Variants in GTF3C2 observed in about 807,000 individuals in gnomAD.
The protein encoded by GTF3C2 is general transcription factor IIIC subunit 2.
A neutral mutation model predicts 117.4 loss-of-function variants in GTF3C2; 17 were observed. The ratio of observed to expected loss-of-function variants is 0.14; its 90% confidence interval spans 0.10 to 0.22. The LOEUF is 0.22. Among genes scored for constraint, GTF3C2 ranks in the 10% least tolerant of loss-of-function variants. The probability of loss-of-function intolerance (pLI) is 1.00; values close to 1 mark genes in which losing one functional copy is unlikely to be tolerated. For synonymous variants in GTF3C2, 437 were observed against 427.0 expected (o/e 1.02, Z -0.29); for missense variants, 888 against 1,143.6 (o/e 0.78, Z 3.22).
At chr2:27,326,915 A>G (rs1680093776) in intron 18 of GTF3C2, 22 bp from the exon 19 acceptor site, 1 of 1,493,366 alleles carries the variant, frequency 6.7e-7, no homozygotes, top group African/African-American at 1.4e-5. Context: ...ACAGAAAACA[A>G]GAGAGAGATG....
At chr2:27,349,078 C>T (rs1004718981) in intron 1 of GTF3C2, among the ~76,000 whole-genome samples, 11 of 150,654 alleles carry the variant, frequency 7.3e-5, no homozygotes, top group African/African-American at 2.7e-4. Context: ...CTCAAGTGAT[C>T]TGCCTGCCTT....
intron 9 of GTF3C2, 95 bp downstream of exon 9, chr2:27,335,822 A>C: frequency 9.4e-7 from 1 of 1,069,356 alleles, no homozygotes; most frequent in East Asian, 2.6e-5. Context: ...CATCCACTAC[A>C]CTCCAACCTT....
intron 10 of GTF3C2, among the ~76,000 whole-genome samples, chr2:27,334,812 T>G (rs1680402177): frequency 1.3e-5 from 2 of 152,156 alleles, no homozygotes; most frequent in African/African-American, 4.8e-5. Context: ...TCGGCTACTT[T>G]TAAAAATTTT....
rs367978523 is a variant in GTF3C2, at chr2:27,349,986, G to T, written c.-24-6408C>A. ...GAATAAAACTTCAAATCATATAAAA[G>T]ATATAAATGTCAGGAACATTTAAAC... is the stretch of plus-strand genomic sequence containing the variant. On this transcript the variant is annotated intron_variant, in intron 1 of 18. Transcript: ENST00000264720. Among the ~76,000 whole-genome samples, 5 of 152,164 alleles carry T rather than the reference G, an allele frequency of 3.3e-5. No homozygotes were observed. In the East Asian group the frequency reaches 7.7e-4, roughly 24 times the overall value.
intron 1 of GTF3C2, among the ~76,000 whole-genome samples, chr2:27,344,570 C>G (rs1418380811): frequency 1.3e-5 from 2 of 152,112 alleles, no homozygotes; most frequent in Non-Finnish European, 2.9e-5. Flanking sequence ...CACCAACTTC[C>G]TCAAAATATA....
intron 1 of GTF3C2, among the ~76,000 whole-genome samples, chr2:27,353,915 G>A (rs1038040685): frequency 6.6e-6 from 1 of 151,768 alleles, no homozygotes; most frequent in Non-Finnish European, 1.5e-5. Context: ...TAGAGACAGG[G>A]TCTCAACTAT....
At chr2:27,333,665 T>A (rs1680356541) in exon 12 of GTF3C2, 1 of 1,609,042 alleles carries the variant, frequency 6.2e-7, no homozygotes, top group African/African-American at 1.3e-5. Flanking sequence ...CATTATAATA[T>A]CCAGCAGCTA....
chr2:27,326,449 A>G, exon 19 of GTF3C2: 1 of 589,128 alleles, frequency 1.7e-6, no homozygotes, highest in Non-Finnish European at 3.1e-6. Flanking sequence ...TCTTAGGCTG[A>G]GGAGCCTTGA....
chr2:27,355,067 G>C lies in GTF3C2; in HGVS notation c.-25+1672C>G, dbSNP rs138271496. Among the ~76,000 whole-genome samples the C allele has an allele frequency of 3.9e-5, 6 of 152,232 alleles. No individual in the cohort carries two copies. In the East Asian group the frequency reaches 1.2e-3, roughly 29 times the overall value. ...AAATTAAAACTATTTATGTATATTA[G>C]TACCCATTTTATCATACCGTTACTG... On this transcript the variant is annotated intron_variant, in intron 1 of 18. Transcript: ENST00000264720.
At chr2:27,356,236 C>A in intron 1 of GTF3C2, 1 of 518,752 alleles carries the variant, frequency 1.9e-6, no homozygotes, top group Admixed American at 2.4e-5. Flanking sequence ...GGCGTTGCAG[C>A]GCGCGGGGCA....
At chr2:27,355,847 T>C (rs1050102537) in intron 1 of GTF3C2, among the ~76,000 whole-genome samples, 8 of 152,214 alleles carry the variant, frequency 5.3e-5, no homozygotes, top group Non-Finnish European at 1.0e-4. Flanking sequence ...AAACGAACAT[T>C]TTAATGACTA....
chr2:27,351,104 C>A (rs930519651), intron 1 of GTF3C2, among the ~76,000 whole-genome samples: 1 of 151,638 alleles, frequency 6.6e-6, no homozygotes, highest in Non-Finnish European at 1.5e-5. Context: ...AGAGCAAGAC[C>A]CTGTATCTAA....
chr2:27,342,151 C>T, exon 4 of GTF3C2: 1 of 1,614,148 alleles, frequency 6.2e-7, no homozygotes, highest in South Asian at 1.1e-5. Context: ...GGGCTGCTCA[C>T]CTTGGGGCCC....
rs1318789955 is a variant in GTF3C2, at chr2:27,336,584, T to C, written c.1128-159A>G. On this transcript the variant is annotated intron_variant, in intron 7 of 18. Coordinates refer to ENST00000264720, the Ensembl canonical transcript of GTF3C2. ...GAACAGAGTCCTTGGCTTCCACTTG[T>C]ATCTTCCTCCTTTCCTTCCCAAAGT... 14 of 592,014 alleles carry C rather than the reference T, an allele frequency of 2.4e-5. No individual in the cohort carries two copies. In the East Asian group the frequency reaches 4.0e-4, roughly 17 times the overall value. The allele number at this position is 592,014 out of a possible 1,614,324, so 36.7% of individuals were successfully genotyped here.
intron 1 of GTF3C2, among the ~76,000 whole-genome samples, chr2:27,346,016 C>CTTT (rs70953853): frequency 1.6e-4 from 16 of 97,892 alleles, no homozygotes; most frequent in East Asian, 1.5e-3. Flanking sequence ...TGCCCCGCCA[C>CTTT]TTTTTTTTTT....
intron 1 of GTF3C2, among the ~76,000 whole-genome samples, chr2:27,348,093 C>A (rs975432367): frequency 6.6e-6 from 1 of 152,162 alleles, no homozygotes; most frequent in Non-Finnish European, 1.5e-5. Context: ...CATGGTGAAA[C>A]CCTGTCTCTA....
In GTF3C2 at chr2:27,330,716, T is replaced by G. The variant is rs146310271; in HGVS notation, c.1733-1193A>C. On this transcript the variant is annotated intron_variant, in intron 12 of 18. Transcript: ENST00000264720. Reference sequence around the variant, plus strand: ...TGGCTCATGCCTGTAATCTCAGCACTTTAGGAGGCCAGGGTGGACATATCA... The same window carrying G: ...TGGCTCATGCCTGTAATCTCAGCACGTTAGGAGGCCAGGGTGGACATATCA... Among the ~76,000 whole-genome samples, 228 of 152,266 alleles carry G rather than the reference T, an allele frequency of 1.5e-3. 2 individuals carry two copies. The highest frequency in any genetic ancestry group is 5.3e-3 in the African/African-American group (221 of 41,556).
In GTF3C2 at chr2:27,335,692, G is replaced by A. The variant is rs1333820683; in HGVS notation, c.1482C>T (p.Pro494=). 7 of 1,558,976 alleles carry A rather than the reference G, an allele frequency of 4.5e-6. No homozygotes were observed. The South Asian group carries it at 4.7e-5, about 11-fold the overall frequency. The change falls in exon 10 of 19, where the codon CCC becomes CCT. Residue 494 remains proline (P), a synonymous_variant. Transcript: ENST00000264720. Reference sequence around the variant, plus strand: ...AGGCCAGAGCCAAGAGACCCAACCGGGGCAGGAGAGGAGCCTAAAGGGTAA... The same window carrying A: ...AGGCCAGAGCCAAGAGACCCAACCGAGGCAGGAGAGGAGCCTAAAGGGTAA...
chr2:27,333,917 C>T, intron 11 of GTF3C2, 57 bp downstream of exon 11: 2 of 1,478,458 alleles, frequency 1.4e-6, no homozygotes, highest in Non-Finnish European at 1.9e-6. Context: ...GTGGAATCAG[C>T]AAGGTGAGGC....
Sources: gnomAD v4.1 joint callset for allele counts (sites outside exome capture counted in the v4.1 genomes callset) on GRCh38, gnomAD v4.1.1 for gene constraint, MANE v1.5 for transcripts, NCBI Gene and HGNC (gene_info 2026-07-23, HGNC 2026-07-21) for gene names.